GABRA3: variants seen among roughly 807,000 people sequenced by gnomAD.
GABRA3 encodes gamma-aminobutyric acid receptor subunit alpha-3.
In GABRA3, 10 loss-of-function variants were observed where a neutral mutation model predicts 30.1. The ratio of observed to expected loss-of-function variants is 0.33; its 90% CI spans 0.20 to 0.56. GABRA3 has a LOEUF of 0.56. GABRA3 is among the 20% of genes least tolerant of loss of function. The probability of loss-of-function intolerance (pLI) is 0.89; values close to 1 mark genes in which losing one functional copy is unlikely to be tolerated. For missense variants in GABRA3, 233 were observed against 392.0 expected, an observed-to-expected ratio of 0.59 and a Z score of 3.42; for synonymous variants, 151 against 146.8, an observed-to-expected ratio of 1.03 and a Z score of -0.21.
chrX:152,432,045 G>GT (rs370359581), intron 1 of GABRA3, among the ~76,000 whole-genome samples: 68 of 111,840 alleles, frequency 6.1e-4, no homozygotes, highest in African/African-American at 2.1e-3. Flanking sequence ...TGGCTCAGCT[G>GT]TAAGTGGCAC....
At chrX:152,263,945 T>TA (rs1234587686) in intron 4 of GABRA3, among the ~76,000 whole-genome samples, 1 of 111,533 alleles carries the variant, frequency 9.0e-6, no homozygotes, top group Admixed American at 9.5e-5. Context: ...AGTACTGAAG[T>TA]AAAAAAACTT....
chrX:152,258,953 T>C (rs1938684012), intron 4 of GABRA3, among the ~76,000 whole-genome samples: 1 of 111,555 alleles, frequency 9.0e-6, no homozygotes, highest in African/African-American at 3.3e-5. Context: ...TAACTACATA[T>C]CACTGAAAGA....
At chrX:152,354,862 A>G (rs191245793) in intron 2 of GABRA3, among the ~76,000 whole-genome samples, 1 of 111,755 alleles carries the variant, frequency 8.9e-6, no homozygotes, top group East Asian at 2.8e-4. Context: ...TGAAATTTTA[A>G]GATTTGATGG....
chrX:152,266,402 G>C (rs1427439651), intron 4 of GABRA3, among the ~76,000 whole-genome samples: 1 of 111,856 alleles, frequency 8.9e-6, no homozygotes, highest in Non-Finnish European at 1.9e-5. Flanking sequence ...TTCAATTGAT[G>C]CTGAAAAAGC....
chrX:152,353,556 A>G (rs926587422), intron 2 of GABRA3, among the ~76,000 whole-genome samples: 2 of 111,916 alleles, frequency 1.8e-5, no homozygotes, highest in Non-Finnish European at 3.8e-5. Context: ...TTAAGCAGGT[A>G]TTAATAGGCC....
chrX:152,391,534 G>C (rs1015238073), intron 1 of GABRA3, among the ~76,000 whole-genome samples: 1 of 111,352 alleles, frequency 9.0e-6, no homozygotes, highest in African/African-American at 3.3e-5. Flanking sequence ...TGATCACATG[G>C]AAGAAAAACT....
intron 3 of GABRA3, among the ~76,000 whole-genome samples, chrX:152,332,368 TATG>T (rs1940176331): frequency 3.6e-5 from 4 of 111,767 alleles, no homozygotes; most frequent in African/African-American, 9.8e-5. Flanking sequence ...CAAAAAAAGC[TATG>T]CTAAGATTGC....
At chrX:152,364,658 G>T in intron 1 of GABRA3, 62 bp from the exon 2 acceptor site, 1 of 832,544 alleles carries the variant, frequency 1.2e-6, no homozygotes, top group Non-Finnish European at 1.7e-6. Context: ...AAGGGAGAGA[G>T]GAGAAAGAGG....
intron 6 of GABRA3, among the ~76,000 whole-genome samples, chrX:152,216,995 A>T (rs141243180): frequency 0.024 from 2,678 of 111,232 alleles, 43 homozygotes; most frequent in Middle Eastern, 0.065. Context: ...GTTCTGATGA[A>T]TCTGAAAGCT....
At position 152,345,718 on chromosome X, in the gene GABRA3, G is replaced by GA; in HGVS notation, c.141-17dup. ...AGGAGACAGCCTGAGGCAATGCAAG[G>GA]AAAAGAAAAAAAATAATAGTTCTTA... is the stretch of plus-strand genomic sequence containing the variant. On this transcript the variant is annotated splice_polypyrimidine_tract_variant and intron_variant, in intron 2 of 9. Transcript: ENST00000370314. 8.8e-7 allele frequency: 1 copy of GA among 1,131,447 alleles called. No individual in the cohort carries two copies. The highest frequency in any genetic ancestry group is 1.2e-6 in the Non-Finnish European group (1 of 863,415). The allele number at this position is 1,131,447 out of a possible 1,213,427, so 93.2% of individuals were successfully genotyped here.
chrX:152,178,290 A>G (rs1033053981), intron 9 of GABRA3, among the ~76,000 whole-genome samples: 7 of 110,265 alleles, frequency 6.3e-5, no homozygotes, highest in African/African-American at 2.3e-4. Context: ...GTGTGTTTCA[A>G]TCGAGACTAT....
At position 152,201,690 on chromosome X, in the gene GABRA3, CAG is replaced by C. The variant is rs774485736; in HGVS notation, c.779-3907_779-3906del. On this transcript the variant is annotated intron_variant, in intron 7 of 9. Transcript: ENST00000370314. ...CTAGTTTCTAAGGTTTTGAAACACA[CAG>C]AGGATTTTTTAGCTTGGCAAATTAA... Among the ~76,000 whole-genome samples the C allele has an allele frequency of 3.7e-4, 42 of 112,210 alleles. 1 individual carries two copies. The South Asian group carries it at 0.015, about 40-fold the overall frequency.
chrX:152,434,519 G>C (rs1426635149), intron 1 of GABRA3, among the ~76,000 whole-genome samples: 1 of 111,078 alleles, frequency 9.0e-6, no homozygotes, highest in Admixed American at 9.6e-5. Context: ...ACAAAAGACG[G>C]AAAAAACACT....
At chrX:152,224,905 G>A (rs758821829) in intron 5 of GABRA3, 60 bp from the exon 6 acceptor site, 1 of 796,274 alleles carries the variant, frequency 1.3e-6, no homozygotes, top group African/African-American at 2.0e-5. Context: ...TAAACACAGG[G>A]CTGCATTCCC....
At chrX:152,405,322 A>AC (rs1349742390) in intron 1 of GABRA3, among the ~76,000 whole-genome samples, 1 of 108,133 alleles carries the variant, frequency 9.2e-6, no homozygotes, top group Non-Finnish European at 1.9e-5. Context: ...AAAAAAAAAA[A>AC]AAAAAATGCA....
intron 5 of GABRA3, among the ~76,000 whole-genome samples, chrX:152,247,223 A>C (rs1406754887): frequency 1.8e-5 from 2 of 111,873 alleles, no homozygotes; most frequent in East Asian, 5.6e-4. Context: ...ATTATTAAAC[A>C]TGGAGAAACT....
At chrX:152,179,639 C>T (rs758788481) in intron 9 of GABRA3, among the ~76,000 whole-genome samples, 9 of 109,564 alleles carry the variant, frequency 8.2e-5, no homozygotes, top group South Asian at 4.1e-4. Context: ...GGACTACAGG[C>T]GCCCGCCACC....
At chrX:152,188,292 C>T (rs1213322775) in intron 9 of GABRA3, among the ~76,000 whole-genome samples, 8 of 111,028 alleles carry the variant, frequency 7.2e-5, no homozygotes, top group Admixed American at 2.9e-4. Flanking sequence ...GATAAAAGGA[C>T]GATTTTAAGA....
At chrX:152,303,180 T>C (rs1372581845) in intron 3 of GABRA3, among the ~76,000 whole-genome samples, 1 of 112,361 alleles carries the variant, frequency 8.9e-6, no homozygotes, top group Non-Finnish European at 1.9e-5. Context: ...GCTGATTAAT[T>C]TGCATTCCCA....
Sources: allele counts gnomAD v4.1 joint callset (sites outside exome capture counted in the v4.1 genomes callset), GRCh38; gene constraint gnomAD v4.1.1; transcripts MANE v1.5; gene names NCBI Gene and HGNC (gene_info 2026-07-23, HGNC 2026-07-21).